Variants in MTMR9 observed in about 807,000 individuals in gnomAD.
The protein encoded by MTMR9 is myotubularin-related protein 9.
A neutral mutation model predicts 69.5 loss-of-function variants in MTMR9; 39 were observed. The ratio of observed to expected loss-of-function variants is 0.56; its 90% CI spans 0.43 to 0.73. MTMR9 has a LOEUF of 0.73. MTMR9 is among the 30% of genes least tolerant of loss of function. MTMR9 has a pLI of 0.00. For synonymous variants in MTMR9, 354 were observed against 240.8 expected (o/e 1.47, Z -4.35); for missense variants, 900 against 671.2 (o/e 1.34, Z -3.77).
chr8:11,288,463 G>A (rs1051240629), intron 1 of MTMR9, among the ~76,000 whole-genome samples: 5 of 151,480 alleles, frequency 3.3e-5, no homozygotes, highest in African/African-American at 9.7e-5. Context: ...GGATTTCAGA[G>A]AAGGCAGGTG....
chr8:11,331,549 G>C (rs145832727), downstream of MTMR9: 2 of 1,613,830 alleles, frequency 1.2e-6, no homozygotes, highest in Non-Finnish European at 1.7e-6. Flanking sequence ...CTCACCCTCT[G>C]CCTTGAGAGC....
At position 11,306,228 on chromosome 8, in the gene MTMR9, CG is replaced by C. The variant is rs760938457; in HGVS notation, c.633del (p.Arg212GlyfsTer9). On this transcript the variant is annotated frameshift_variant, in exon 5 of 10. Transcript: ENST00000221086. LOFTEE classifies it high-confidence loss of function. ...GTGGTCAGCCACTCACTGGTACAAA[CG>C]GGAGGAGGTGCAAGGAGGACGAGAA... is the stretch of plus-strand genomic sequence containing the variant. ...RSGQPLTGTN[G>X]RRCKEDEKLI... The C allele has an allele frequency of 6.2e-7, 1 of 1,613,440 alleles. No individual in the cohort carries two copies.
At chr8:11,289,358 C>A (rs1226529755) in intron 1 of MTMR9, among the ~76,000 whole-genome samples, 1 of 152,212 alleles carries the variant, frequency 6.6e-6, no homozygotes, top group Non-Finnish European at 1.5e-5. Flanking sequence ...AACTACTTAA[C>A]CTCGTAGAAA....
At chr8:11,335,531 T>G in the MTMR9 span, among the ~76,000 whole-genome samples, 1 of 152,326 alleles carries the variant, frequency 6.6e-6, no homozygotes, top group East Asian at 1.9e-4. Flanking sequence ...AATCAAAATG[T>G]TATTTTGTGG....
intron 1 of MTMR9, among the ~76,000 whole-genome samples, chr8:11,288,470 G>A (rs1799271312): frequency 6.6e-6 from 1 of 151,442 alleles, no homozygotes; most frequent in Admixed American, 6.6e-5. Flanking sequence ...AGAGAAGGCA[G>A]GTGACATCTG....
intron 5 of MTMR9, among the ~76,000 whole-genome samples, chr8:11,308,153 C>G (rs963715109): frequency 2.6e-5 from 4 of 152,132 alleles, no homozygotes; most frequent in African/African-American, 9.7e-5. Flanking sequence ...ATGTTTTCCT[C>G]TAATGATTTT....
At position 11,319,839 on chromosome 8, in the gene MTMR9, G is replaced by C; in HGVS notation, c.1486+1G>C. ...CCGCAGAGTCTTCCACTGTGGGAAG[G>C]TAAACCACGCATCCTTTGCAAACTT... On this transcript the variant is annotated splice_donor_variant, in intron 9 of 9. Coordinates refer to ENST00000221086, the MANE Select transcript of MTMR9 (RefSeq NM_015458.4). LOFTEE classifies it high-confidence loss of function. 1 of 1,613,966 alleles carries C rather than the reference G, an allele frequency of 6.2e-7. No individual in the cohort carries two copies.
downstream of MTMR9, chr8:11,332,225 C>T: frequency 6.8e-7 from 1 of 1,480,092 alleles, no homozygotes; most frequent in South Asian, 1.4e-5. Context: ...TATAATAAAT[C>T]CTAGGAAAGA....
rs141486788 is a variant in MTMR9 at position 11,295,251 on chromosome 8, G to C, written c.240G>C (p.Gln80His). The C allele has an allele frequency of 1.2e-6, 2 of 1,611,882 alleles. No homozygotes were observed. The highest frequency in any genetic ancestry group is 1.7e-6 in the Non-Finnish European group (2 of 1,178,638). Residue 80 changes from glutamine (Q) to histidine (H), a missense_variant, in exon 2 of 10, where the codon CAG becomes CAC. Coordinates refer to ENST00000221086, the MANE Select transcript of MTMR9 (RefSeq NM_015458.4). ...AATGTAAAGATTTTCGAATTATTCA[G>C]TTGGATATTCCTGGAATGGAGGAAT... ...IIKCKDFRII[Q>H]LDIPGMEECL...
In MTMR9 at chr8:11,324,711, G is replaced by A. The variant is rs1800847159; in HGVS notation, c.*1923G>A. 1 of 152,152 alleles carries A rather than the reference G, an allele frequency of 6.6e-6. No individual in the cohort carries two copies. Among genetic ancestry groups the A allele is most frequent in the Non-Finnish European group, 1.5e-5 (1 of 68,040 alleles). 9.4% of individuals were successfully genotyped at this position (152,152 alleles called of 1,614,324 possible). A position where few individuals can be genotyped will look rare whatever the true frequency, so the allele number is the denominator to read the frequency against. On this transcript the variant is annotated 3_prime_UTR_variant, in exon 10 of 10. Coordinates refer to ENST00000221086, the MANE Select transcript of MTMR9 (RefSeq NM_015458.4). The stretch of plus-strand genomic sequence containing the variant: ...TTTTCTTTAGAAGTGACTCCCATTA[G>A]CCTGGTGTGGTGGTGTGTGCCTATA...
the MTMR9 span, among the ~76,000 whole-genome samples, chr8:11,334,291 AT>A: frequency 6.6e-6 from 1 of 152,208 alleles, no homozygotes; most frequent in Non-Finnish European, 1.5e-5. Context: ...TCCACTTTTT[AT>A]TTTCTAAGGA....
chr8:11,322,496 C>T (rs1800739247), intron 9 of MTMR9, 129 bp from the exon 10 acceptor site: 2 of 682,828 alleles, frequency 2.9e-6, no homozygotes, highest in African/African-American at 1.8e-5. Context: ...TAATAAAATA[C>T]AGATGTGAGT....
intron 1 of MTMR9, among the ~76,000 whole-genome samples, chr8:11,287,779 TTA>T (rs1799219117): frequency 8.5e-6 from 1 of 117,718 alleles, no homozygotes; most frequent in Admixed American, 1.1e-4. Flanking sequence ...TATATATTTA[TTA>T]TATATTATAT....
intron 8 of MTMR9, chr8:11,318,061 C>T (rs1320038731): frequency 2.0e-5 from 3 of 152,186 alleles, no homozygotes; most frequent in Non-Finnish European, 2.9e-5. Context: ...AGACACTCTT[C>T]AGTAAAGCAA....
At chr8:11,306,747 A>G (rs1000534497) in intron 5 of MTMR9, among the ~76,000 whole-genome samples, 3 of 152,250 alleles carry the variant, frequency 2.0e-5, no homozygotes, top group Non-Finnish European at 1.5e-5. Context: ...AGCATACAAT[A>G]TATTAGTTTT....
intron 6 of MTMR9, among the ~76,000 whole-genome samples, chr8:11,312,079 C>A (rs950538816): frequency 6.6e-6 from 1 of 152,150 alleles, no homozygotes; most frequent in South Asian, 2.1e-4. Flanking sequence ...GGGCCTTGCT[C>A]TGTCACCCAG....
chr8:11,335,197 G>C, the MTMR9 span, among the ~76,000 whole-genome samples: 5 of 152,168 alleles, frequency 3.3e-5, no homozygotes, highest in African/African-American at 1.2e-4. Flanking sequence ...TAATCTCCTA[G>C]AACTAATAAA....
chr8:11,338,191 G>A, the MTMR9 span, among the ~76,000 whole-genome samples: 1 of 152,256 alleles, frequency 6.6e-6, no homozygotes, highest in African/African-American at 2.4e-5. Flanking sequence ...AGTAAATGAA[G>A]TGGGGATGCC....
At chr8:11,332,938 C>T (rs1393724121), downstream of MTMR9, among the ~76,000 whole-genome samples, 1 of 151,922 alleles carries the variant, frequency 6.6e-6, no homozygotes, top group Non-Finnish European at 1.5e-5. Flanking sequence ...AAAGGATCAG[C>T]AAATTTGAAG....
Sources: gnomAD v4.1 joint callset for allele counts (sites outside exome capture counted in the v4.1 genomes callset) on GRCh38, gnomAD v4.1.1 for gene constraint, MANE v1.5 for transcripts, NCBI Gene and HGNC (gene_info 2026-07-23, HGNC 2026-07-21) for gene names.